NLRP1: variants seen among roughly 807,000 people sequenced by gnomAD.
The protein encoded by NLRP1 is NACHT, LRR and PYD domains-containing protein 1.
Under a neutral mutation model 136.7 loss-of-function variants are expected in NLRP1, and 94 were observed. That is an observed-to-expected ratio of 0.69 (90% confidence interval 0.58 to 0.82). The LOEUF (loss-of-function observed/expected upper bound fraction) is 0.82, where lower values mean the gene tolerates loss of function less well. Among genes scored for constraint, NLRP1 ranks in the 40% least tolerant of loss-of-function variants. The pLI, the probability that NLRP1 is intolerant of heterozygous loss-of-function variation, is 0.00. For synonymous variants in NLRP1, 690 were observed against 725.1 expected (o/e 0.95, Z 0.78); for missense variants, 1,575 against 1,802.7 (o/e 0.87, Z 2.29).
At chr17:5,519,922 T>C (rs1020721414) in intron 14 of NLRP1, among the ~76,000 whole-genome samples, 1 of 135,854 alleles carries the variant, frequency 7.4e-6, no homozygotes, top group Non-Finnish European at 1.5e-5. Flanking sequence ...AGTGGTGCAC[T>C]CTCGGCTCAC....
intron 4 of NLRP1, among the ~76,000 whole-genome samples, chr17:5,553,855 CTTTT>C (rs71856538): frequency 1.2e-4 from 18 of 144,508 alleles, no homozygotes; most frequent in East Asian, 4.0e-4. Flanking sequence ...AGACATTTGT[CTTTT>C]TTTTTTTTTT....
intron 3 of NLRP1, among the ~76,000 whole-genome samples, chr17:5,576,017 G>C (rs1371486712): frequency 6.6e-6 from 1 of 152,194 alleles, no homozygotes; most frequent in African/African-American, 2.4e-5. Flanking sequence ...ACCTGCTCCT[G>C]AATGACTACT....
intron 12 of NLRP1, among the ~76,000 whole-genome samples, chr17:5,523,404 G>A (rs1909146298): frequency 1.3e-5 from 2 of 152,224 alleles, no homozygotes; most frequent in African/African-American, 2.4e-5. Flanking sequence ...GCCTGTCTCC[G>A]TATTTTCCTG....
At chr17:5,532,511 G>A (rs2151758340) in intron 11 of NLRP1, among the ~76,000 whole-genome samples, 1 of 152,304 alleles carries the variant, frequency 6.6e-6, no homozygotes, top group South Asian at 2.1e-4. Flanking sequence ...ACAAAGAGGG[G>A]GAAAGTGAAC....
chr17:5,513,925 G>A (rs1159621512), downstream of NLRP1, among the ~76,000 whole-genome samples: 2 of 152,166 alleles, frequency 1.3e-5, no homozygotes, highest in Non-Finnish European at 2.9e-5. Flanking sequence ...CCAGCGCCAT[G>A]ACAGTTTACG....
chr17:5,551,125 T>C (rs908628014), intron 5 of NLRP1, among the ~76,000 whole-genome samples: 44 of 152,154 alleles, frequency 2.9e-4, no homozygotes, highest in African/African-American at 1.0e-3. Context: ...TAAAATAATA[T>C]GTATGAACGA....
chr17:5,515,935 G>C (rs1908047498), intron 15 of NLRP1, among the ~76,000 whole-genome samples: 2 of 152,168 alleles, frequency 1.3e-5, no homozygotes, highest in South Asian at 4.1e-4. Flanking sequence ...TAGCCTTCTA[G>C]ACTGGCACCA....
chr17:5,520,811 T>A, intron 14 of NLRP1, 70 bp downstream of exon 14: 1 of 1,393,294 alleles, frequency 7.2e-7, no homozygotes, highest in Admixed American at 2.5e-5. Context: ...CCCTGAGACC[T>A]GCCCCACAGG....
Position 5,559,963 on chromosome 17 carries a change from G to A in NLRP1, c.733C>T (p.His245Tyr). The A allele has an allele frequency of 1.9e-6, 3 of 1,613,998 alleles. No individual in the cohort carries two copies. The highest frequency in any genetic ancestry group is 2.5e-6 in the Non-Finnish European group (3 of 1,179,912). Reference sequence around the variant, plus strand: ...TGGTGGTGGGGCTGTAGGCTGGTGTGCGCCTGTGGGGGCGTTCCTACCACC... The same window carrying A: ...TGGTGGTGGGGCTGTAGGCTGGTGTACGCCTGTGGGGGCGTTCCTACCACC... ...AAVVGTPPQA[H>Y]TSLQPHHHPW... The change falls in exon 4 of 17, where the codon CAC (histidine) becomes TAC (tyrosine). Residue 245 changes from histidine to tyrosine, a missense_variant. By Grantham distance (83) the His-to-Tyr change is moderately conservative. Coordinates refer to ENST00000572272, the MANE Select transcript of NLRP1 (RefSeq NM_033004.4).
At chr17:5,552,762 G>T (rs117345667) in intron 5 of NLRP1, among the ~76,000 whole-genome samples, 389 of 152,304 alleles carry the variant, frequency 2.6e-3, no homozygotes, top group Middle Eastern at 6.8e-3. Context: ...ACATTTAAAA[G>T]TACTATAATT....
At chr17:5,517,520 T>C (rs969839688) in intron 15 of NLRP1, among the ~76,000 whole-genome samples, 2 of 152,142 alleles carry the variant, frequency 1.3e-5, no homozygotes, top group Non-Finnish European at 2.9e-5. Context: ...CCTGAGTAGC[T>C]GGGACTACAG....
chr17:5,565,555 T>C (rs1177552580), intron 3 of NLRP1, among the ~76,000 whole-genome samples: 4 of 152,232 alleles, frequency 2.6e-5, no homozygotes, highest in Non-Finnish European at 5.9e-5. Context: ...AAGAAATCTT[T>C]GCAGACCAAT....
intron 12 of NLRP1, among the ~76,000 whole-genome samples, chr17:5,527,265 G>A (rs983560035): frequency 1.4e-4 from 21 of 152,330 alleles, no homozygotes; most frequent in African/African-American, 4.8e-4. Flanking sequence ...TAAAAAATTC[G>A]CAAGAAAGTC....
intron 3 of NLRP1, among the ~76,000 whole-genome samples, chr17:5,566,378 A>G (rs753036559): frequency 2.0e-5 from 3 of 151,954 alleles, no homozygotes; most frequent in African/African-American, 7.2e-5. Context: ...TGTTTCAAGA[A>G]ATTTTTCTTT....
At chr17:5,573,809 C>T (rs1317824619) in intron 3 of NLRP1, among the ~76,000 whole-genome samples, 3 of 152,114 alleles carry the variant, frequency 2.0e-5, no homozygotes, top group African/African-American at 7.2e-5. Flanking sequence ...ACCAAAACCC[C>T]ATCTTTATGT....
intron 12 of NLRP1, among the ~76,000 whole-genome samples, chr17:5,528,603 G>T (rs1293906590): frequency 6.6e-6 from 1 of 152,162 alleles, no homozygotes; most frequent in Non-Finnish European, 1.5e-5. Flanking sequence ...GTACTGAGCA[G>T]TTCCCTGCTT....
chr17:5,571,233 A>G (rs1191192398), intron 3 of NLRP1, among the ~76,000 whole-genome samples: 1 of 152,148 alleles, frequency 6.6e-6, no homozygotes, highest in Non-Finnish European at 1.5e-5. Flanking sequence ...CATCTATTCA[A>G]CATAGTACTA....
chr17:5,569,507 T>A (rs1352501429), intron 3 of NLRP1, among the ~76,000 whole-genome samples: 2 of 151,858 alleles, frequency 1.3e-5, no homozygotes, highest in Non-Finnish European at 2.9e-5. Flanking sequence ...CAAATCAACA[T>A]CAATCAAAAA....
chr17:5,563,724 C>T lies in NLRP1; in HGVS notation c.653-3681G>A, dbSNP rs1915012309. On this transcript the variant is annotated intron_variant, in intron 3 of 16. Transcript: ENST00000572272. Reference sequence around the variant, plus strand: ...TTGAAGATATTGTCCACAAAAGTTTCCCCAACCTCCCTAGAGAAGCCAACA... The same window carrying T: ...TTGAAGATATTGTCCACAAAAGTTTTCCCAACCTCCCTAGAGAAGCCAACA... Among the ~76,000 whole-genome samples, 5 of 152,190 alleles carry T rather than the reference C, an allele frequency of 3.3e-5. No homozygotes were observed. The South Asian group carries it at 6.2e-4, about 19-fold the overall frequency.
Sources: gnomAD v4.1 joint callset for allele counts (sites outside exome capture counted in the v4.1 genomes callset) on GRCh38, gnomAD v4.1.1 for gene constraint, MANE v1.5 for transcripts, NCBI Gene and HGNC (gene_info 2026-07-23, HGNC 2026-07-21) for gene names.